FANCD2: variants seen among roughly 807,000 people sequenced by gnomAD.
FANCD2 encodes the protein FA complementation group D2.
FANCD2 carries 131 observed loss-of-function variants against 192.3 expected under a neutral mutation model. That is an observed-to-expected ratio of 0.68 (90% CI 0.59 to 0.79). The LOEUF (loss-of-function observed/expected upper bound fraction) is 0.79, where lower values mean the gene tolerates loss of function less well. FANCD2 is among the 30% of genes least tolerant of loss of function. The pLI is 0.00. For missense variants in FANCD2, 1,508 were observed against 1,701.6 expected (o/e 0.89, Z 2.00); for synonymous variants, 524 against 612.5 (o/e 0.86, Z 2.13).
At position 10,043,618 on chromosome 3, in the gene FANCD2, C is replaced by T. The variant is rs781126168; in HGVS notation, c.1098+26C>T. On this transcript the variant is annotated intron_variant, in intron 13 of 43. Coordinates refer to ENST00000675286, the MANE Select transcript of FANCD2 (RefSeq NM_001018115.3). Reference sequence around the variant, plus strand: ...GTGAGATCTTTGGAACTTTGATTATCAAGGAGGAAATGAGTGGCAATTAGT... The same window carrying T: ...GTGAGATCTTTGGAACTTTGATTATTAAGGAGGAAATGAGTGGCAATTAGT... 23 of 1,554,748 alleles carry T rather than the reference C, an allele frequency of 1.5e-5. No homozygotes were observed. In the African/African-American group the frequency reaches 3.0e-4, roughly 20 times the overall value.
At chr3:10,043,266 T>C in intron 12 of FANCD2, 116 bp downstream of exon 12, 1 of 860,868 alleles carries the variant, frequency 1.2e-6, no homozygotes, top group Non-Finnish European at 1.9e-6. Context: ...TCTAGTATTA[T>C]ATTGTTTTTC....
chr3:10,091,829 G>A (rs1031066916), intron 37 of FANCD2, among the ~76,000 whole-genome samples: 18 of 152,206 alleles, frequency 1.2e-4, no homozygotes, highest in Admixed American at 4.6e-4. Flanking sequence ...GTGCAGTGGC[G>A]CACGTCTGTA....
At chr3:10,034,829 A>C in intron 5 of FANCD2, 31 bp downstream of exon 5, 1 of 1,496,812 alleles carries the variant, frequency 6.7e-7, no homozygotes, top group East Asian at 2.4e-5. Context: ...ATCTTGCTGA[A>C]ATTCAGTCTG....
Position 10,085,851 on chromosome 3 carries a change from T to C in FANCD2, c.3264T>C (p.Tyr1088=). Residue 1088 remains tyrosine (Y), a synonymous_variant, in exon 33 of 44, where the codon TAT becomes TAC. Transcript: ENST00000675286. ...AACCTGAAAATCAGAATTTACTGTA[T>C]TCAGCCCTCCATGTCCTTAGTAGCC... is the stretch of plus-strand genomic sequence containing the variant. ...FSQPENQNLL[Y]SALHVLSSRL... is the part of the protein sequence containing the mutation. 1 of 1,613,852 alleles carries C rather than the reference T, an allele frequency of 6.2e-7. No individual in the cohort carries two copies. Among genetic ancestry groups the C allele is most frequent in the Non-Finnish European group, 8.5e-7 (1 of 1,179,788 alleles).
chr3:10,067,776 T>G (rs1483137501), intron 26 of FANCD2, among the ~76,000 whole-genome samples: 1 of 152,096 alleles, frequency 6.6e-6, no homozygotes, highest in Non-Finnish European at 1.5e-5. Flanking sequence ...CCAGCCTGGG[T>G]GACAGAGCGA....
intron 17 of FANCD2, among the ~76,000 whole-genome samples, chr3:10,051,873 G>C (rs1394482857): frequency 2.0e-5 from 3 of 152,124 alleles, no homozygotes; most frequent in Non-Finnish European, 2.9e-5. Flanking sequence ...AAAGTAAATA[G>C]TTTCCTTGTG....
Position 10,035,170 on chromosome 3 carries a change from C to A in FANCD2, c.378-3C>A, listed in dbSNP as rs74923817. The A allele has an allele frequency of 1.2e-6, 2 of 1,604,300 alleles. No individual in the cohort carries two copies. Among genetic ancestry groups the A allele is most frequent in the Non-Finnish European group, 1.7e-6 (2 of 1,173,416 alleles). ...GGAAAACAGATTTCTTTTTTTTTTACAGTATGGGTGCATCTTATTCTAAGA... is the reference window on the plus strand; with the variant it reads ...GGAAAACAGATTTCTTTTTTTTTTAAAGTATGGGTGCATCTTATTCTAAGA... On this transcript the variant is annotated splice_region_variant and splice_polypyrimidine_tract_variant and intron_variant, in intron 5 of 43. Coordinates refer to ENST00000675286, the MANE Select transcript of FANCD2 (RefSeq NM_001018115.3).
chr3:10,039,747 G>C lies in FANCD2; in HGVS notation c.597G>C (p.Leu199=). Residue 199 remains leucine, a synonymous_variant, in exon 9 of 44, where the codon CTG becomes CTC. Transcript: ENST00000675286. ...GKDLTTKIMQ[L]ISIAPENLQH... ...ACCTCACCACCAAGATCATGCAGCT[G>C]ATCAGTATTGCTCCAGAGAACCTGC... 1.2e-6 allele frequency: 2 copies of C among 1,614,018 alleles called. No homozygotes were observed. Among genetic ancestry groups the C allele is most frequent in the Non-Finnish European group, 1.7e-6 (2 of 1,180,014 alleles).
Position 10,093,300 on chromosome 3 carries a change from C to T in FANCD2, c.3865C>T (p.Pro1289Ser), listed in dbSNP as rs781605384. The change falls in exon 39 of 44, where the codon CCT (proline) becomes TCT (serine). Residue 1289 changes from proline (P) to serine (S), a missense_variant. Pro to Ser is a moderately conservative substitution (Grantham distance 74). This residue lies in a region of FANCD2 where 796 missense variants were observed against 879.4 expected (regional missense o/e 0.91). Transcript: ENST00000675286. Reference protein sequence around the residue: ...INLIKVFDSHPVLHVCLKYGR... With the variant: ...INLIKVFDSHSVLHVCLKYGR... ...ACCTCTCCAGGTATTTGATAGTCAT[C>T]CTGTTCTGCATGTATGTTTGAAGGT... 5.6e-6 allele frequency: 9 copies of T among 1,613,528 alleles called. No individual in the cohort carries two copies. The highest frequency in any genetic ancestry group is 7.6e-6 in the Non-Finnish European group (9 of 1,179,472).
At chr3:10,066,921 C>T (rs566879974) in intron 25 of FANCD2, among the ~76,000 whole-genome samples, 1 of 152,196 alleles carries the variant, frequency 6.6e-6, no homozygotes, top group African/African-American at 2.4e-5. Context: ...CATGGGCTTT[C>T]ACCATGTTGG....
intron 30 of FANCD2, among the ~76,000 whole-genome samples, chr3:10,079,407 C>T (rs1575820026): frequency 1.3e-5 from 2 of 152,032 alleles, no homozygotes; most frequent in South Asian, 2.1e-4. Context: ...TGGGTTCAAG[C>T]GATTCTCCTG....
intron 3 of FANCD2, 131 bp downstream of exon 3, chr3:10,033,103 T>C (rs2124971244): frequency 1.2e-6 from 1 of 868,258 alleles, no homozygotes; most frequent in East Asian, 2.6e-5. Context: ...AAAGTTGAAA[T>C]TGCTTTTTAG....
intron 43 of FANCD2, among the ~76,000 whole-genome samples, chr3:10,100,876 C>G (rs1187315830): frequency 6.6e-6 from 1 of 151,932 alleles, no homozygotes; most frequent in East Asian, 1.9e-4. Flanking sequence ...TTGAGACCAG[C>G]CTTGCCAATG....
In FANCD2 at chr3:10,048,046, C is replaced by A; in HGVS notation, c.1408C>A (p.Gln470Lys). Residue 470 changes from glutamine (Q) to lysine (K), a missense_variant, in exon 16 of 44, where the codon CAG becomes AAG. Physicochemically the swap from Gln to Lys is moderately conservative, Grantham distance 53. Around this residue, in one of 5 missense-constraint regions of FANCD2, gnomAD observed 108 missense variants for 174.1 expected, o/e 0.62. Coordinates refer to ENST00000675286, the MANE Select transcript of FANCD2 (RefSeq NM_001018115.3). ...ATTTAAGTTTTTTGACACGTACTGC[C>A]AGCAGGTATGTTGAAACATTTATTT... ...YAFKFFDTYCQQEVVGALVTH... is the reference protein window; with the variant it reads ...YAFKFFDTYCKQEVVGALVTH... 1 of 1,614,250 alleles carries A rather than the reference C, an allele frequency of 6.2e-7. No individual in the cohort carries two copies. The highest frequency in any genetic ancestry group is 2.2e-5 in the East Asian group (1 of 44,884).
chr3:10,042,978 G>A (rs1575748469), intron 11 of FANCD2, 72 bp from the exon 12 acceptor site: 1 of 1,297,008 alleles, frequency 7.7e-7, no homozygotes, highest in East Asian at 2.3e-5. Context: ...AGATTGTCAT[G>A]GTAGAGAGAC....
At chr3:10,031,332 T>G (rs560568689) in intron 2 of FANCD2, among the ~76,000 whole-genome samples, 2 of 151,892 alleles carry the variant, frequency 1.3e-5, no homozygotes, top group Admixed American at 6.6e-5. Flanking sequence ...TGAAACCCCG[T>G]CTCTACTAAA....
chr3:10,085,394 C>CTTTTT (rs1242296810), intron 32 of FANCD2, among the ~76,000 whole-genome samples: 2 of 136,938 alleles, frequency 1.5e-5, no homozygotes, highest in African/African-American at 2.7e-5. Context: ...TTTTTTCTTT[C>CTTTTT]TTTTTTTTTT....
chr3:10,061,983 G>T (rs34112657), intron 19 of FANCD2, among the ~76,000 whole-genome samples, 168 bp from the exon 20 acceptor site: 3 of 140,668 alleles, frequency 2.1e-5, no homozygotes, highest in Non-Finnish European at 3.1e-5. Context: ...GGTGGGGGAG[G>T]GGGGAGGGAT....
intron 27 of FANCD2, 103 bp from the exon 28 acceptor site, chr3:10,073,150 C>T (rs138115961): frequency 1.0e-6 from 1 of 987,368 alleles, no homozygotes; most frequent in African/African-American, 1.6e-5. Flanking sequence ...ATTACCTCTT[C>T]TACCTCTAGG....
Sources: allele counts gnomAD v4.1 joint callset (sites outside exome capture counted in the v4.1 genomes callset), GRCh38; gene constraint gnomAD v4.1.1; regional missense constraint gnomAD v4.1.1; transcripts MANE v1.5; gene names NCBI Gene and HGNC (gene_info 2026-07-23, HGNC 2026-07-21).